Variants in NAV2 observed in about 807,000 individuals in gnomAD.
NAV2 encodes neuron navigator 2.
A neutral mutation model predicts 223.2 loss-of-function variants in NAV2; 54 were observed. The observed-to-expected ratio is 0.24, with a 90% confidence interval of 0.19 to 0.30. The LOEUF (loss-of-function observed/expected upper bound fraction) is 0.30, where lower values mean the gene tolerates loss of function less well. Among genes scored for constraint, NAV2 ranks in the 10% least tolerant of loss-of-function variants. The pLI, the probability that NAV2 is intolerant of heterozygous loss-of-function variation, is 1.00. For missense variants in NAV2, 2,806 were observed against 3,147.5 expected (o/e 0.89, Z 2.60); for synonymous variants, 1,279 against 1,239.3 (o/e 1.03, Z -0.67).
intron 3 of NAV2, among the ~76,000 whole-genome samples, chr11:19,847,408 G>T (rs2060871635): frequency 1.3e-5 from 2 of 152,166 alleles, no homozygotes; most frequent in South Asian, 2.1e-4. Flanking sequence ...TTGGACCTGG[G>T]GTCAGCTGAG....
intron 1 of NAV2, among the ~76,000 whole-genome samples, chr11:19,478,342 G>A (rs539154290): frequency 1.5e-4 from 23 of 152,206 alleles, no homozygotes; most frequent in African/African-American, 4.8e-4. Flanking sequence ...CCCGGAGCCC[G>A]GTGCCTGCAA....
At chr11:20,115,324 C>G (rs1377779105) in intron 37 of NAV2, among the ~76,000 whole-genome samples, 4 of 152,022 alleles carry the variant, frequency 2.6e-5, no homozygotes, top group Non-Finnish European at 5.9e-5. Context: ...TCGGCTGTTG[C>G]TAAAACAATA....
chr11:19,610,508 A>G (rs774423732), intron 1 of NAV2, among the ~76,000 whole-genome samples: 1 of 152,234 alleles, frequency 6.6e-6, no homozygotes, highest in Non-Finnish European at 1.5e-5. Context: ...CTGCTTTATA[A>G]TGCAGGTATA....
At position 19,658,255 on chromosome 11, in the gene NAV2, A is replaced by G. The variant is rs72905882; in HGVS notation, c.76-174229A>G. On this transcript the variant is annotated intron_variant, in intron 1 of 37. Coordinates refer to the NAV2 transcript ENST00000360655. ...ACAGCGAGTAAGTGACAGAGCCAGC[A>G]TTGGAGTCAGGCTGCCTGACTCCAG... Among the ~76,000 whole-genome samples the G allele has an allele frequency of 6.4e-3, 975 of 152,278 alleles. 8 individuals are homozygous for G. Among genetic ancestry groups the G allele is most frequent in the Non-Finnish European group, 9.6e-3 (656 of 68,014 alleles).
At chr11:19,996,867 C>T (rs2051946457) in intron 11 of NAV2, among the ~76,000 whole-genome samples, 1 of 152,086 alleles carries the variant, frequency 6.6e-6, no homozygotes, top group South Asian at 2.1e-4. Context: ...AGGGATGTTG[C>T]AGGATTGTGT....
At chr11:19,677,408 C>T (rs1274993875) in intron 1 of NAV2, among the ~76,000 whole-genome samples, 2 of 152,212 alleles carry the variant, frequency 1.3e-5, no homozygotes, top group African/African-American at 4.8e-5. Context: ...TGGGTGCCTC[C>T]CAAGCCCAGT....
At chr11:20,078,673 G>T (rs2059908199) in intron 24 of NAV2, among the ~76,000 whole-genome samples, 1 of 152,134 alleles carries the variant, frequency 6.6e-6, no homozygotes, top group African/African-American at 2.4e-5. Context: ...GGCTGGGCTG[G>T]TCTTGAACTC....
chr11:19,845,174 A>G (rs1177683228), intron 3 of NAV2, among the ~76,000 whole-genome samples: 1 of 152,220 alleles, frequency 6.6e-6, no homozygotes, highest in Non-Finnish European at 1.5e-5. Context: ...GCACACAAGC[A>G]TATATAGAGT....
At chr11:19,869,711 T>G (rs952194473) in intron 4 of NAV2, among the ~76,000 whole-genome samples, 5 of 152,190 alleles carry the variant, frequency 3.3e-5, no homozygotes, top group Admixed American at 2.0e-4. Flanking sequence ...AGGCTGCACC[T>G]GCCTCCAGTT....
At chr11:19,501,284 T>A (rs555682081) in intron 1 of NAV2, among the ~76,000 whole-genome samples, 1 of 152,314 alleles carries the variant, frequency 6.6e-6, no homozygotes, top group East Asian at 1.9e-4. Context: ...CCCTTTTGCG[T>A]GTAATATATT....
intron 1 of NAV2, among the ~76,000 whole-genome samples, chr11:19,442,917 A>G (rs1474021594): frequency 6.6e-6 from 1 of 152,194 alleles, no homozygotes; most frequent in Non-Finnish European, 1.5e-5. Flanking sequence ...CCCTTCCACC[A>G]TCGGGAGAAA....
chr11:19,458,256 G>A (rs923537948), intron 1 of NAV2, among the ~76,000 whole-genome samples: 5 of 152,224 alleles, frequency 3.3e-5, no homozygotes, highest in Non-Finnish European at 5.9e-5. Context: ...ACTGTAGCAG[G>A]GAGTAGGCAG....
At chr11:19,762,609 TTC>T (rs1207562083) in intron 1 of NAV2, among the ~76,000 whole-genome samples, 2 of 143,606 alleles carry the variant, frequency 1.4e-5, no homozygotes, top group African/African-American at 5.3e-5. Flanking sequence ...CAGAGAAGTC[TTC>T]TTTTTTTTTT....
intron 1 of NAV2, among the ~76,000 whole-genome samples, chr11:19,592,544 C>G (rs914992538): frequency 6.6e-5 from 10 of 152,244 alleles, no homozygotes; most frequent in Admixed American, 2.0e-4. Flanking sequence ...TTTTATCTTA[C>G]TGGTCTTCAT....
chr11:19,765,370 T>G (rs2152560123), intron 1 of NAV2, among the ~76,000 whole-genome samples: 1 of 125,988 alleles, frequency 7.9e-6, no homozygotes, highest in Non-Finnish European at 1.7e-5. Context: ...CCTCCTCATC[T>G]TCCCTTCTTT....
chr11:19,764,212 G>A (rs1160928863), intron 1 of NAV2, among the ~76,000 whole-genome samples: 6 of 152,176 alleles, frequency 3.9e-5, no homozygotes, highest in Admixed American at 2.0e-4. Context: ...GCCACTCTCA[G>A]CACCTTCCTG....
In NAV2 at chr11:19,984,218, T is replaced by C. The variant is rs562345764; in HGVS notation, c.2739T>C (p.Asn913=). 20 of 1,614,104 alleles carry C rather than the reference T, an allele frequency of 1.2e-5. No homozygotes were observed. The highest frequency in any genetic ancestry group is 1.7e-5 in the Admixed American group (1 of 60,022). The change falls in exon 11 of 38, where the codon AAT becomes AAC. Residue 913 remains asparagine, a synonymous_variant. Transcript: ENST00000349880. ...MAVVRETLQR[N]TSLGLGDADS... ...TGGTACGGGAGACCCTGCAACGAAA[T>C]ACCTCCCTGGGCCTCGGAGACGCTG...
chr11:19,860,000 C>CG (rs2061626704), intron 3 of NAV2, among the ~76,000 whole-genome samples: 1 of 75,548 alleles, frequency 1.3e-5, no homozygotes, highest in African/African-American at 5.6e-5. Context: ...GGGGGGCTGA[C>CG]CCCCCCTCCC....
intron 1 of NAV2, among the ~76,000 whole-genome samples, chr11:19,806,998 C>A (rs1461276579): frequency 3.3e-5 from 5 of 152,182 alleles, no homozygotes; most frequent in Admixed American, 1.3e-4. Context: ...AAATATGAGG[C>A]CCAGGCATCT....
Sources: gnomAD v4.1 joint callset for allele counts (sites outside exome capture counted in the v4.1 genomes callset) on GRCh38, gnomAD v4.1.1 for gene constraint, MANE v1.5 for transcripts, NCBI Gene and HGNC (gene_info 2026-07-23, HGNC 2026-07-21) for gene names.